ZIM2: variants seen among roughly 807,000 people sequenced by gnomAD.
ZIM2 encodes the protein zinc finger protein 656.
Under a neutral mutation model 38.6 loss-of-function variants are expected in ZIM2, and 14 were observed. The observed-to-expected ratio is 0.36, with a 90% CI of 0.24 to 0.57. ZIM2 has a LOEUF of 0.57. Among genes scored for constraint, ZIM2 ranks in the 20% least tolerant of loss-of-function variants. The pLI is 0.81. For synonymous variants in ZIM2, 247 were observed against 245.8 expected (o/e 1.00, Z -0.04); for missense variants, 680 against 695.1 (o/e 0.98, Z 0.24).
At chr19:56,804,810 T>C (rs2047680694) in intron 9 of ZIM2, among the ~76,000 whole-genome samples, 1 of 152,238 alleles carries the variant, frequency 6.6e-6, no homozygotes, top group Admixed American at 6.5e-5. Context: ...ACTTAAACCT[T>C]ATAGTAACCC....
chr19:56,826,714 C>T lies in ZIM2; in HGVS notation c.-226-251G>A, dbSNP rs202195955. On this transcript the variant is annotated intron_variant, in intron 2 of 12. Transcript: ENST00000629319. Reference sequence around the variant, plus strand: ...GCAAGACAAAGATATCACTAAGAAACCACGAACCAAAACTCATGAAAGCAG... The same window carrying T: ...GCAAGACAAAGATATCACTAAGAAATCACGAACCAAAACTCATGAAAGCAG... Among the ~76,000 whole-genome samples, 15 of 152,302 alleles carry T rather than the reference C, an allele frequency of 9.8e-5. No individual in the cohort carries two copies. The East Asian group carries it at 2.3e-3, about 23-fold the overall frequency.
rs35563894 is a variant in ZIM2 at position 56,813,201 on chromosome 19, CAAAA to C, written c.490+4541_490+4544del. The C allele has an allele frequency of 9.3e-5, 80 of 858,198 alleles. No homozygotes were observed. In the African/African-American group the frequency reaches 1.3e-3, roughly 14 times the overall value. 53.2% of individuals were successfully genotyped at this position (858,198 alleles called of 1,614,324 possible). A position where few individuals can be genotyped will look rare whatever the true frequency, so the allele number is the denominator to read the frequency against. On this transcript the variant is annotated intron_variant, in intron 9 of 12. Coordinates refer to ENST00000629319, the MANE Select transcript of ZIM2 (RefSeq NM_001387356.1). ...CAAATTTGTTGCTCTCTTCCTCCTC[CAAAA>C]AAAAAAAAAATTCAAAGAATACCAG...
At chr19:56,838,591 G>GA (rs1354485336) in intron 1 of ZIM2, among the ~76,000 whole-genome samples, 1 of 152,224 alleles carries the variant, frequency 6.6e-6, no homozygotes, top group African/African-American at 2.4e-5. Flanking sequence ...AACAACAGGG[G>GA]AAGGGGTGAG....
chr19:56,824,538 T>C (rs1466638933), intron 3 of ZIM2, 111 bp from the exon 4 acceptor site: 6 of 1,614,166 alleles, frequency 3.7e-6, no homozygotes, highest in Non-Finnish European at 5.1e-6. Flanking sequence ...TCAGAGTCAG[T>C]TGGACCTTCT....
At position 56,782,061 on chromosome 19, in the gene ZIM2, C is replaced by T; in HGVS notation, c.631G>A (p.Asp211Asn). Residue 211 changes from aspartate (D) to asparagine (N), a missense_variant, in exon 11 of 13, where the codon GAT (aspartate) becomes AAT (asparagine). By Grantham distance (23) the Asp-to-Asn change is conservative (BLOSUM62 1). Coordinates refer to ENST00000629319, the MANE Select transcript of ZIM2 (RefSeq NM_001387356.1). ...TCTGGGCTGAAGTCCACAAGCACAT[C>T]CTCGAAGGTCACCAACTCCTCAAAC... ...LVFEELVTFE[D>N]VLVDFSPEEL... is the part of the protein sequence containing the mutation. The T allele has an allele frequency of 6.2e-7, 1 of 1,614,002 alleles. No homozygotes were observed. Among genetic ancestry groups the T allele is most frequent in the Non-Finnish European group, 8.5e-7 (1 of 1,179,904 alleles).
chr19:56,797,136 A>AC (rs1345861368), intron 9 of ZIM2, among the ~76,000 whole-genome samples: 4 of 151,844 alleles, frequency 2.6e-5, no homozygotes, highest in East Asian at 1.9e-4. Context: ...ACATGGTGAG[A>AC]CCCCCTCTCT....
intron 9 of ZIM2, chr19:56,810,265 T>G: frequency 1.0e-6 from 1 of 983,274 alleles, no homozygotes; most frequent in Non-Finnish European, 1.2e-6. Context: ...ACTTCAAAGT[T>G]TCTATAATGA....
chr19:56,780,276 T>C (rs1183585727), intron 11 of ZIM2, among the ~76,000 whole-genome samples: 4 of 148,020 alleles, frequency 2.7e-5, no homozygotes, highest in African/African-American at 1.0e-4. Flanking sequence ...AGAGTCTCAC[T>C]CTGTCTCCCA....
chr19:56,809,811 C>A, intron 9 of ZIM2, among the ~76,000 whole-genome samples: 1 of 152,110 alleles, frequency 6.6e-6, no homozygotes, highest in Admixed American at 6.5e-5. Context: ...ACTCAAGTAA[C>A]TAAGATGTAC....
At chr19:56,793,761 T>C (rs77451805) in intron 9 of ZIM2, among the ~76,000 whole-genome samples, 2,927 of 152,266 alleles carry the variant, frequency 0.019, 109 homozygotes, top group African/African-American at 0.067. Flanking sequence ...TATTTGTATA[T>C]TGGAATGCTA....
At chr19:56,806,619 T>C (rs2047769049) in intron 9 of ZIM2, among the ~76,000 whole-genome samples, 1 of 152,186 alleles carries the variant, frequency 6.6e-6, no homozygotes, top group Admixed American at 6.5e-5. Context: ...GGGAGATATA[T>C]TGTTACTGCC....
intron 2 of ZIM2, 149 bp from the exon 3 acceptor site, chr19:56,826,612 T>A (rs2061060366): frequency 6.6e-6 from 1 of 152,184 alleles, no homozygotes; most frequent in Non-Finnish European, 1.5e-5. Context: ...GCCATTCCCA[T>A]GCTATATAAA....
intron 10 of ZIM2, among the ~76,000 whole-genome samples, chr19:56,784,362 T>C (rs1235992242): frequency 6.6e-6 from 1 of 152,184 alleles, no homozygotes; most frequent in Non-Finnish European, 1.5e-5. Flanking sequence ...TAATCAATAT[T>C]ATTATATTAA....
chr19:56,811,981 C>G (rs928194854), intron 9 of ZIM2: 1 of 985,386 alleles, frequency 1.0e-6, no homozygotes, highest in Admixed American at 6.1e-5. Context: ...TAAACTTTGA[C>G]ACTCCCTGCA....
chr19:56,798,774 A>G (rs187548567), intron 9 of ZIM2: 3 of 152,188 alleles, frequency 2.0e-5, no homozygotes, highest in African/African-American at 7.2e-5. Context: ...AGAAAAAAAA[A>G]CAACGCCATT....
intron 9 of ZIM2, among the ~76,000 whole-genome samples, chr19:56,793,424 A>G (rs1017137080): frequency 6.6e-6 from 1 of 152,162 alleles, no homozygotes; most frequent in Non-Finnish European, 1.5e-5. Context: ...CCAGTACACA[A>G]TGTTGTGGAA....
In ZIM2 at chr19:56,822,359, A is replaced by G. The variant is rs554699608; in HGVS notation, c.190+394T>C. The G allele has an allele frequency of 3.6e-5, 7 of 192,674 alleles. No homozygotes were observed. The East Asian group carries it at 1.0e-3, about 28-fold the overall frequency. The allele number at this position is 192,674 out of a possible 1,614,324, so 11.9% of individuals were successfully genotyped here. On this transcript the variant is annotated intron_variant, in intron 6 of 12. Transcript: ENST00000629319. Reference sequence around the variant, plus strand: ...TGCTCAGATGTGGCACTTCCCTAACACTGCAGGAAGTCATGGCAGACATTC... The same window carrying G: ...TGCTCAGATGTGGCACTTCCCTAACGCTGCAGGAAGTCATGGCAGACATTC...
At chr19:56,835,370 T>C (rs1351061046) in intron 2 of ZIM2, among the ~76,000 whole-genome samples, 1 of 152,154 alleles carries the variant, frequency 6.6e-6, no homozygotes, top group African/African-American at 2.4e-5. Flanking sequence ...CACTCAACGA[T>C]TCCCTTGCTC....
intron 3 of ZIM2, among the ~76,000 whole-genome samples, chr19:56,825,717 A>AACTACCTACTGGCTTT (rs2060960543): frequency 6.6e-6 from 1 of 152,204 alleles, no homozygotes; most frequent in Admixed American, 6.5e-5. Context: ...TGGGAGCATA[A>AACTACCTACTGGCTTT]ACTACCTACT....
Sources: gnomAD v4.1 joint callset for allele counts (sites outside exome capture counted in the v4.1 genomes callset) on GRCh38, gnomAD v4.1.1 for gene constraint, MANE v1.5 for transcripts, NCBI Gene and HGNC (gene_info 2026-07-23, HGNC 2026-07-21) for gene names.